The following AKR1E2 variants were observed in gnomAD, a reference collection of about 807,000 sequenced individuals.
The protein encoded by AKR1E2 is 1,5-anhydro-D-fructose reductase.
In AKR1E2, 43 loss-of-function variants were observed where a neutral mutation model predicts 41.9. The ratio of observed to expected loss-of-function variants is 1.03; its 90% CI spans 0.80 to 1.32. AKR1E2 has a LOEUF of 1.32. Among genes scored for constraint, AKR1E2 ranks in the 40% most tolerant of loss-of-function variants. AKR1E2 has a pLI of 0.00. For missense variants in AKR1E2, 423 were observed against 396.5 expected, an observed-to-expected ratio of 1.07 and a Z score of -0.57; for synonymous variants, 121 against 138.9, an observed-to-expected ratio of 0.87 and a Z score of 0.91.
At chr10:4,870,559 C>A in the AKR1E2 span, among the ~76,000 whole-genome samples, 46 of 151,932 alleles carry the variant, frequency 3.0e-4, 1 homozygote, top group Non-Finnish European at 6.2e-4. Flanking sequence ...TTGCTGGATA[C>A]AAGATTCTGG....
At chr10:4,833,310 T>C in intron 2 of AKR1E2, 40 bp from the exon 3 acceptor site, 2 of 1,527,074 alleles carry the variant, frequency 1.3e-6, no homozygotes, top group Non-Finnish European at 1.8e-6. Context: ...ATGCTGGCTC[T>C]GGGTGGGCAC....
chr10:4,845,401 G>A (rs996715145), intron 8 of AKR1E2, among the ~76,000 whole-genome samples: 7 of 152,190 alleles, frequency 4.6e-5, no homozygotes, highest in Non-Finnish European at 1.0e-4. Context: ...CTCAAGTGCC[G>A]CCAAAGTGGG....
chr10:4,847,131 T>C lies in AKR1E2; in HGVS notation c.838-17T>C. ...AATTAAACTAAGTTTTCTACAAACA[T>C]TGTGTTTTGGTTCCAGGTGTTTGAT... On this transcript the variant is annotated splice_polypyrimidine_tract_variant and intron_variant, in intron 8 of 9. Coordinates refer to ENST00000298375, the MANE Select transcript of AKR1E2 (RefSeq NM_001040177.3). 2 of 1,613,824 alleles carry C rather than the reference T, an allele frequency of 1.2e-6. No individual in the cohort carries two copies. The highest frequency in any genetic ancestry group is 2.2e-5 in the East Asian group (1 of 44,878).
intron 8 of AKR1E2, chr10:4,845,882 A>C: frequency 2.1e-6 from 1 of 469,764 alleles, no homozygotes; most frequent in Non-Finnish European, 4.4e-6. Context: ...GGCTGAGGAC[A>C]GACAGCAGCG....
At chr10:4,839,003 G>A (rs570802452) in intron 5 of AKR1E2, among the ~76,000 whole-genome samples, 2 of 152,108 alleles carry the variant, frequency 1.3e-5, no homozygotes, top group Non-Finnish European at 2.9e-5. Flanking sequence ...GATGAGCTTG[G>A]CATGTTCCTG....
intron 2 of AKR1E2, among the ~76,000 whole-genome samples, chr10:4,833,108 G>A (rs1833111475): frequency 6.6e-6 from 1 of 152,134 alleles, no homozygotes; most frequent in Non-Finnish European, 1.5e-5. Flanking sequence ...TTGGATTCCT[G>A]AGCTTCCCTT....
At chr10:4,850,365 G>A (rs1253190042), downstream of AKR1E2, among the ~76,000 whole-genome samples, 1 of 152,204 alleles carries the variant, frequency 6.6e-6, no homozygotes, top group Non-Finnish European at 1.5e-5. Flanking sequence ...GAAAATCCAA[G>A]GATAAGTGGT....
At chr10:4,856,480 C>T in the AKR1E2 span, among the ~76,000 whole-genome samples, 5 of 152,224 alleles carry the variant, frequency 3.3e-5, no homozygotes, top group African/African-American at 1.2e-4. Flanking sequence ...AAAGTGAATA[C>T]GATTGGATAC....
chr10:4,837,422 C>G (rs1407562086), intron 4 of AKR1E2, 37 bp from the exon 5 acceptor site: 4 of 1,608,020 alleles, frequency 2.5e-6, no homozygotes, highest in Non-Finnish European at 3.4e-6. Flanking sequence ...GTGCAGTAGA[C>G]AGAAGCTTCA....
chr10:4,864,407 A>G, the AKR1E2 span, among the ~76,000 whole-genome samples: 8 of 152,356 alleles, frequency 5.3e-5, no homozygotes, highest in South Asian at 1.2e-3. Context: ...ACAAAATTCA[A>G]CAGCCCTTCA....
At chr10:4,855,830 G>A in the AKR1E2 span, among the ~76,000 whole-genome samples, 41 of 152,266 alleles carry the variant, frequency 2.7e-4, no homozygotes, top group African/African-American at 9.4e-4. Flanking sequence ...CAAATATTAG[G>A]TTTGCTAAAT....
intron 1 of AKR1E2, 108 bp from the exon 2 acceptor site, chr10:4,830,567 T>C: frequency 7.8e-7 from 1 of 1,277,216 alleles, no homozygotes; most frequent in South Asian, 1.4e-5. Flanking sequence ...ACCAAATTAG[T>C]GACTTAATTT....
chr10:4,856,828 T>C, the AKR1E2 span, among the ~76,000 whole-genome samples: 2 of 152,196 alleles, frequency 1.3e-5, no homozygotes, highest in Non-Finnish European at 2.9e-5. Context: ...ATGGACAATT[T>C]TTGCCTTGTT....
At chr10:4,854,425 C>T in the AKR1E2 span, among the ~76,000 whole-genome samples, 2 of 152,138 alleles carry the variant, frequency 1.3e-5, no homozygotes, top group African/African-American at 4.8e-5. Flanking sequence ...CTTGCTTTCA[C>T]TTTACTCTGT....
At chr10:4,856,187 G>A in the AKR1E2 span, among the ~76,000 whole-genome samples, 95 of 152,346 alleles carry the variant, frequency 6.2e-4, 1 homozygote, top group Admixed American at 3.5e-3. Flanking sequence ...TCATGGGAAT[G>A]TAGATTTTTC....
chr10:4,837,440 C>T lies in AKR1E2; in HGVS notation c.460-19C>T. ...CAGTAGACAGAAGCTTCACACCCAG[C>T]AGAGTCGTTCTCTTATAGGCCATGG... On this transcript the variant is annotated intron_variant, in intron 4 of 9. Coordinates refer to ENST00000298375, the MANE Select transcript of AKR1E2 (RefSeq NM_001040177.3). 1 of 1,613,194 alleles carries T rather than the reference C, an allele frequency of 6.2e-7. No homozygotes were observed. Among genetic ancestry groups the T allele is most frequent in the Non-Finnish European group, 8.5e-7 (1 of 1,179,240 alleles).
the AKR1E2 span, among the ~76,000 whole-genome samples, chr10:4,865,264 A>T: frequency 6.6e-6 from 1 of 152,210 alleles, no homozygotes; most frequent in Admixed American, 6.5e-5. Flanking sequence ...AGAAAATGAA[A>T]AATTTAAAAA....
chr10:4,863,850 A>C, the AKR1E2 span, among the ~76,000 whole-genome samples: 1 of 152,252 alleles, frequency 6.6e-6, no homozygotes, highest in African/African-American at 2.4e-5. Context: ...CAAACAAATT[A>C]GAAAATCTAG....
Position 4,830,758 on chromosome 10 carries a change from CAAT to C in AKR1E2, c.124_126del (p.Asn42del). 3.7e-6 allele frequency: 6 copies of C among 1,614,058 alleles called. No individual in the cohort carries two copies. Among genetic ancestry groups the C allele is most frequent in the Non-Finnish European group, 5.1e-6 (6 of 1,180,012 alleles). ...ACTTCGACTGTGCTTACTTTTACCA[CAAT>C]GAGAGGGAGGTTGGAGCAGGGATCC... On this transcript the variant is annotated inframe_deletion, in exon 2 of 10. Coordinates refer to ENST00000298375, the MANE Select transcript of AKR1E2 (RefSeq NM_001040177.3).
Sources: gnomAD v4.1 joint callset for allele counts (sites outside exome capture counted in the v4.1 genomes callset) on GRCh38, gnomAD v4.1.1 for gene constraint, MANE v1.5 for transcripts, NCBI Gene and HGNC (gene_info 2026-07-23, HGNC 2026-07-21) for gene names.